Variants in STPG2 observed in about 807,000 individuals in gnomAD.
The protein encoded by STPG2 is sperm tail PG-rich repeat containing 2, also known as sperm-tail PG-rich repeat-containing protein 2.
STPG2 carries 56 observed loss-of-function variants against 54.2 expected under a neutral mutation model. The observed-to-expected ratio is 1.03, with a 90% CI of 0.83 to 1.29. STPG2 has a LOEUF of 1.29. Ranked by LOEUF, STPG2 falls within the 50% of genes most tolerant of loss-of-function variation. STPG2 has a pLI of 0.00. For missense variants in STPG2, 596 were observed against 544.9 expected, an observed-to-expected ratio of 1.09 and a Z score of -0.93; for synonymous variants, 200 against 181.8, an observed-to-expected ratio of 1.10 and a Z score of -0.81.
intron 8 of STPG2, among the ~76,000 whole-genome samples, chr4:97,862,616 G>A (rs966501751): frequency 2.6e-5 from 4 of 151,852 alleles, no homozygotes; most frequent in South Asian, 2.1e-4. Context: ...TCTGCAGAAC[G>A]GTCCACCCCA....
At chr4:97,905,151 T>C (rs899885921) in intron 8 of STPG2, among the ~76,000 whole-genome samples, 7 of 151,014 alleles carry the variant, frequency 4.6e-5, no homozygotes, top group African/African-American at 7.3e-5. Context: ...AGACACATGA[T>C]TGTCAGATTC....
intron 10 of STPG2, among the ~76,000 whole-genome samples, chr4:97,663,148 A>T (rs999793365): frequency 3.9e-5 from 6 of 152,144 alleles, no homozygotes; most frequent in African/African-American, 1.4e-4. Context: ...TCATAGTATT[A>T]TTGAGATGAT....
intron 8 of STPG2, chr4:97,916,527 GTA>G (rs1303133968): frequency 6.6e-6 from 1 of 152,554 alleles, no homozygotes; most frequent in Non-Finnish European, 1.5e-5. Flanking sequence ...TCATTTCTTT[GTA>G]TTGACCATAG....
intron 5 of STPG2, among the ~76,000 whole-genome samples, chr4:97,991,027 C>A (rs1159535639): frequency 6.6e-6 from 1 of 152,012 alleles, no homozygotes; most frequent in East Asian, 1.9e-4. Flanking sequence ...AGGCAGTGTA[C>A]ACTGTACCCA....
At chr4:98,020,523 C>T (rs1032527412) in intron 5 of STPG2, among the ~76,000 whole-genome samples, 39 of 152,004 alleles carry the variant, frequency 2.6e-4, no homozygotes, top group Admixed American at 6.6e-5. Flanking sequence ...CAGGATGATA[C>T]TGGCCTGATA....
In STPG2 at chr4:98,134,346, C is replaced by T. The variant is rs754945465; in HGVS notation, c.222+1G>A. 1 of 1,523,054 alleles carries T rather than the reference C, an allele frequency of 6.6e-7. No individual in the cohort carries two copies. Among genetic ancestry groups the T allele is most frequent in the Non-Finnish European group, 8.9e-7 (1 of 1,128,756 alleles). 94.3% of individuals were successfully genotyped at this position (1,523,054 alleles called of 1,614,324 possible). ...GTCAATTATAGTAACTATAAAGTTA[C>T]CTGTGCTTCTGAAACATTATAGTGT... On this transcript the variant is annotated splice_donor_variant, in intron 2 of 10. Coordinates refer to ENST00000295268, the MANE Select transcript of STPG2 (RefSeq NM_174952.3). LOFTEE classifies it high-confidence loss of function.
chr4:97,522,369 G>A (rs1367297631), intron 4 of STPG2, among the ~76,000 whole-genome samples: 4 of 151,938 alleles, frequency 2.6e-5, no homozygotes, highest in Non-Finnish European at 4.4e-5. Flanking sequence ...TACTTTTCTT[G>A]TAGTGTAGAG....
chr4:97,777,247 C>T (rs1358464894), intron 9 of STPG2, among the ~76,000 whole-genome samples: 3 of 152,176 alleles, frequency 2.0e-5, no homozygotes, highest in Non-Finnish European at 4.4e-5. Flanking sequence ...ATAGCTTATA[C>T]TTAAATTGTA....
At chr4:98,062,829 AAATT>A (rs1737705819) in intron 5 of STPG2, among the ~76,000 whole-genome samples, 1 of 152,128 alleles carries the variant, frequency 6.6e-6, no homozygotes, top group South Asian at 2.1e-4. Context: ...GATATTAATT[AAATT>A]AAGTATATTT....
intron 6 of STPG2, among the ~76,000 whole-genome samples, chr4:97,980,660 C>A (rs535514790): frequency 4.6e-5 from 7 of 152,058 alleles, no homozygotes; most frequent in Admixed American, 6.6e-5. Context: ...TTGTTTTAAG[C>A]GACTAAGATT....
At chr4:97,663,081 CATATAAATGTT>C (rs1578462778) in intron 10 of STPG2, among the ~76,000 whole-genome samples, 1 of 150,982 alleles carries the variant, frequency 6.6e-6, no homozygotes, top group East Asian at 1.9e-4. Flanking sequence ...CACTGTAAAT[CATATAAATGTT>C]CTGTCACTGT....
At chr4:97,703,636 A>G (rs1723851427) in intron 10 of STPG2, among the ~76,000 whole-genome samples, 2 of 139,082 alleles carry the variant, frequency 1.4e-5, no homozygotes, top group South Asian at 2.2e-4. Context: ...TATTATATAT[A>G]TAAATAAAAC....
intron 4 of STPG2, among the ~76,000 whole-genome samples, chr4:97,550,435 G>A (rs1731939079): frequency 6.6e-6 from 1 of 152,082 alleles, no homozygotes; most frequent in African/African-American, 2.4e-5. Flanking sequence ...TCAGTGGCAT[G>A]TGTGGAGTGA....
At chr4:97,866,966 G>A (rs990041095) in intron 8 of STPG2, among the ~76,000 whole-genome samples, 2 of 151,896 alleles carry the variant, frequency 1.3e-5, no homozygotes, top group Non-Finnish European at 2.9e-5. Flanking sequence ...AGGTCTGGGG[G>A]CCAGCAGCTA....
intron 8 of STPG2, among the ~76,000 whole-genome samples, chr4:97,938,364 GC>G (rs1732836415): frequency 6.6e-6 from 1 of 152,078 alleles, no homozygotes; most frequent in Non-Finnish European, 1.5e-5. Flanking sequence ...GGGAAGCTGA[GC>G]TGTCTTAGGC....
At chr4:97,517,026 G>T (rs943652132) in intron 4 of STPG2, among the ~76,000 whole-genome samples, 3 of 151,762 alleles carry the variant, frequency 2.0e-5, no homozygotes, top group African/African-American at 4.8e-5. Context: ...TCCTGCCTCA[G>T]CCTCCTGAGT....
At chr4:97,972,147 T>G (rs1734349257) in intron 7 of STPG2, 133 bp downstream of exon 7, 1 of 530,292 alleles carries the variant, frequency 1.9e-6, no homozygotes, top group Non-Finnish European at 3.1e-6. Context: ...TCTCCTACTT[T>G]CCTTAACATA....
At chr4:98,019,383 T>G (rs572922750) in intron 5 of STPG2, among the ~76,000 whole-genome samples, 92 of 152,070 alleles carry the variant, frequency 6.0e-4, no homozygotes, top group Non-Finnish European at 9.1e-4. Context: ...TATATCTCTG[T>G]TTTGTTACCA....
intron 5 of STPG2, among the ~76,000 whole-genome samples, chr4:98,020,435 G>A (rs908058886): frequency 6.8e-6 from 1 of 147,994 alleles, no homozygotes; most frequent in Non-Finnish European, 1.5e-5. Flanking sequence ...TTTTATTGAG[G>A]ATTTTTGCCT....
Sources: gnomAD v4.1 joint callset for allele counts (sites outside exome capture counted in the v4.1 genomes callset) on GRCh38, gnomAD v4.1.1 for gene constraint, MANE v1.5 for transcripts, NCBI Gene and HGNC (gene_info 2026-07-23, HGNC 2026-07-21) for gene names.